The following OSBPL3 variants were observed in gnomAD, a reference collection of about 807,000 sequenced individuals.
OSBPL3 encodes oxysterol-binding protein-related protein 3.
A neutral mutation model predicts 120.1 loss-of-function variants in OSBPL3; 65 were observed. The ratio of observed to expected loss-of-function variants is 0.54; its 90% confidence interval spans 0.44 to 0.67. OSBPL3 has a LOEUF of 0.67. Among genes scored for constraint, OSBPL3 ranks in the 30% least tolerant of loss-of-function variants. OSBPL3 has a pLI of 0.00. For synonymous variants in OSBPL3, 416 were observed against 402.6 expected (o/e 1.03, Z -0.40); for missense variants, 1,004 against 1,082.1 (o/e 0.93, Z 1.01).
At position 24,857,517 on chromosome 7, in the gene OSBPL3, G is replaced by C. The variant is rs1799980278; in HGVS notation, c.1027+4096C>G. 2.0e-5 allele frequency among the ~76,000 whole-genome samples: 3 copies of C among 152,164 alleles called. No homozygotes were observed. The South Asian group carries it at 6.2e-4, about 31-fold the overall frequency. The stretch of plus-strand genomic sequence containing the variant: ...CAAAGAAAATAACTACAGATTTTGA[G>C]AACCAAAAGAGTCAGGACAACTACT... On this transcript the variant is annotated intron_variant, in intron 10 of 22. Transcript: ENST00000313367.
At chr7:24,888,600 C>T (rs1019903072) in intron 2 of OSBPL3, among the ~76,000 whole-genome samples, 12 of 152,218 alleles carry the variant, frequency 7.9e-5, no homozygotes, top group Admixed American at 3.9e-4. Flanking sequence ...GTTTTCATGG[C>T]CCTAAGTTGT....
chr7:24,846,405 G>C (rs570595290), intron 12 of OSBPL3, among the ~76,000 whole-genome samples: 6 of 152,290 alleles, frequency 3.9e-5, no homozygotes, highest in Admixed American at 3.3e-4. Context: ...CTACTTCATA[G>C]AGTCATGGTT....
At chr7:24,926,208 A>T (rs1166587746) in intron 1 of OSBPL3, among the ~76,000 whole-genome samples, 2 of 152,178 alleles carry the variant, frequency 1.3e-5, no homozygotes, top group Non-Finnish European at 2.9e-5. Flanking sequence ...ATTTCATACA[A>T]AGCTTTCCAG....
chr7:24,907,028 T>A (rs118155985), intron 1 of OSBPL3, among the ~76,000 whole-genome samples: 1,597 of 152,222 alleles, frequency 0.01, 13 homozygotes, highest in Middle Eastern at 0.017. Context: ...CCACCCTCTA[T>A]TAATCCAACC....
At position 24,877,426 on chromosome 7, in the gene OSBPL3, C is replaced by T. The variant is rs1225706026; in HGVS notation, c.97-5357G>A. On this transcript the variant is annotated intron_variant, in intron 2 of 22. Transcript: ENST00000313367. This position sits in a 1 kb window ranked among gnomAD's most constrained non-coding sequence, Gnocchi z 4.8. ...TTTTTTTCATATTTGGAAAGCCTGC[C>T]CCATCTACCTCTTAGCCAGGTAAAT... Among the ~76,000 whole-genome samples the T allele has an allele frequency of 6.6e-6, 1 of 152,086 alleles. No individual in the cohort carries two copies.
intron 5 of OSBPL3, among the ~76,000 whole-genome samples, chr7:24,866,513 C>T (rs1044372378): frequency 1.1e-4 from 16 of 152,032 alleles, no homozygotes; most frequent in South Asian, 2.1e-4. Context: ...TGGTGGCACA[C>T]GCCTGTGATC....
At chr7:24,924,480 T>C (rs901571649) in intron 1 of OSBPL3, among the ~76,000 whole-genome samples, 1 of 152,216 alleles carries the variant, frequency 6.6e-6, no homozygotes, top group East Asian at 1.9e-4. Context: ...CCTATTGCTA[T>C]GATACCCAGT....
At chr7:24,828,609 A>AAAAG (rs1562785901) in intron 16 of OSBPL3, among the ~76,000 whole-genome samples, 2 of 126,132 alleles carry the variant, frequency 1.6e-5, no homozygotes, top group African/African-American at 3.5e-5. Context: ...TCTGTCTGAA[A>AAAAG]AAAAAAAAAA....
Position 24,899,061 on chromosome 7 carries a change from C to T in OSBPL3, c.-149-6440G>A, listed in dbSNP as rs1806598687. Among the ~76,000 whole-genome samples the T allele has an allele frequency of 6.6e-6, 1 of 152,160 alleles. No homozygotes were observed. Among genetic ancestry groups the T allele is most frequent in the Non-Finnish European group, 1.5e-5 (1 of 68,026 alleles). On this transcript the variant is annotated intron_variant, in intron 1 of 22. Coordinates refer to ENST00000313367, the MANE Select transcript of OSBPL3 (RefSeq NM_015550.4). The surrounding 1 kb of genome is among the most constrained non-coding windows in gnomAD (Gnocchi z 4.0). ...TGAAACCACCACCATCCCCACATCC[C>T]ACCCAGCAAATCTTTTCTTCTCCAG... is the stretch of plus-strand genomic sequence containing the variant.
At chr7:24,909,783 C>CT (rs10591188) in intron 1 of OSBPL3, among the ~76,000 whole-genome samples, 9,790 of 77,128 alleles carry the variant, frequency 0.13, 338 homozygotes, top group East Asian at 0.16. Flanking sequence ...TTTTTTCTTT[C>CT]TTTTTTTTTT....
chr7:24,958,551 G>A (rs1815345813), intron 1 of OSBPL3, among the ~76,000 whole-genome samples: 1 of 152,116 alleles, frequency 6.6e-6, no homozygotes. Context: ...TTTATGAAGT[G>A]TTCCTGTACT....
chr7:24,950,307 G>T lies in OSBPL3; in HGVS notation c.-150+29579C>A, dbSNP rs77847991. 2.3e-3 allele frequency among the ~76,000 whole-genome samples: 350 copies of T among 152,280 alleles called. 1 individual carries two copies. The highest frequency in any genetic ancestry group is 7.7e-3 in the African/African-American group (321 of 41,566). Reference sequence around the variant, plus strand: ...AGATCTCTAGAGAATCGAAATGCCTGTATCAATATTCATTTAAGTCCTTAT... The same window carrying T: ...AGATCTCTAGAGAATCGAAATGCCTTTATCAATATTCATTTAAGTCCTTAT... On this transcript the variant is annotated intron_variant, in intron 1 of 22. Coordinates refer to ENST00000313367, the MANE Select transcript of OSBPL3 (RefSeq NM_015550.4).
rs1794772975 is a variant in OSBPL3, at chr7:24,818,767, A to G, written c.1948+1408T>C. On this transcript the variant is annotated intron_variant, in intron 17 of 22. Coordinates refer to ENST00000313367, the MANE Select transcript of OSBPL3 (RefSeq NM_015550.4). This position sits in a 1 kb window ranked among gnomAD's most constrained non-coding sequence, Gnocchi z 4.0. Reference sequence around the variant, plus strand: ...CGGAAATGGTTTACACAACCTACATAAAAGGCAGAGAAATGTCAGGCTGGG... The same window carrying G: ...CGGAAATGGTTTACACAACCTACATGAAAGGCAGAGAAATGTCAGGCTGGG... 6.6e-6 allele frequency among the ~76,000 whole-genome samples: 1 copy of G among 152,196 alleles called. No individual in the cohort carries two copies.
chr7:24,964,609 G>C lies in OSBPL3; in HGVS notation c.-150+15277C>G, dbSNP rs140622141. ...GAATCTAAGGAGACATGGCAACCAA[G>C]ATAATGTAGAACCCCACATGGAGTC... On this transcript the variant is annotated intron_variant, in intron 1 of 22. Coordinates refer to ENST00000313367, the MANE Select transcript of OSBPL3 (RefSeq NM_015550.4). The surrounding 1 kb of genome is among the most constrained non-coding windows in gnomAD (Gnocchi z 4.2). Among the ~76,000 whole-genome samples the C allele has an allele frequency of 6.7e-4, 102 of 152,266 alleles. No individual in the cohort carries two copies. Among genetic ancestry groups the C allele is most frequent in the Middle Eastern group, 3.4e-3 (1 of 294 alleles).
chr7:24,979,107 A>C (rs987342966), intron 1 of OSBPL3, among the ~76,000 whole-genome samples: 1 of 152,128 alleles, frequency 6.6e-6, no homozygotes, highest in African/African-American at 2.4e-5. Flanking sequence ...CTGACCACGG[A>C]ATAAACAGAG....
chr7:24,895,375 G>A (rs1205871458), intron 1 of OSBPL3, among the ~76,000 whole-genome samples: 1 of 152,174 alleles, frequency 6.6e-6, no homozygotes, highest in Non-Finnish European at 1.5e-5. Flanking sequence ...TTTGTAGCCT[G>A]GGAGCAGTAG....
chr7:24,942,308 G>A (rs575933588), intron 1 of OSBPL3, among the ~76,000 whole-genome samples: 5 of 152,102 alleles, frequency 3.3e-5, no homozygotes, highest in South Asian at 2.1e-4. Context: ...ATAATGAAAC[G>A]GTAGTTCTAA....
rs1048515420 is a variant in OSBPL3, at chr7:24,946,335, G to A, written c.-150+33551C>T. On this transcript the variant is annotated intron_variant, in intron 1 of 22. Coordinates refer to ENST00000313367, the MANE Select transcript of OSBPL3 (RefSeq NM_015550.4). This position sits in a 1 kb window ranked among gnomAD's most constrained non-coding sequence, Gnocchi z 4.3. ...GTTGTCACATAGCGTTATTTTTGCCGTACTTTTATTGGTTGGAGCAGACAC... is the reference window on the plus strand; with the variant it reads ...GTTGTCACATAGCGTTATTTTTGCCATACTTTTATTGGTTGGAGCAGACAC... 6.6e-5 allele frequency among the ~76,000 whole-genome samples: 10 copies of A among 152,216 alleles called. No homozygotes were observed. Among genetic ancestry groups the A allele is most frequent in the Non-Finnish European group, 1.0e-4 (7 of 68,002 alleles).
intron 2 of OSBPL3, among the ~76,000 whole-genome samples, chr7:24,886,799 A>G (rs1804595184): frequency 6.6e-6 from 1 of 152,268 alleles, no homozygotes; most frequent in Non-Finnish European, 1.5e-5. Flanking sequence ...GCTTCTCTCA[A>G]ATCCTGTCGT....
Sources: gnomAD v4.1 joint callset for allele counts (sites outside exome capture counted in the v4.1 genomes callset) on GRCh38, gnomAD v4.1.1 for gene constraint, Gnocchi (gnomAD v3.1) non-coding constraint, MANE v1.5 for transcripts, NCBI Gene and HGNC (gene_info 2026-07-23, HGNC 2026-07-21) for gene names.